The following RASA3 variants were observed in gnomAD, a reference collection of about 807,000 sequenced individuals.
RASA3 encodes the protein ras GTPase-activating protein 3.
A neutral mutation model predicts 110.0 loss-of-function variants in RASA3; 73 were observed. The observed-to-expected ratio is 0.66, with a 90% CI of 0.55 to 0.81. The LOEUF (loss-of-function observed/expected upper bound fraction) is 0.81. RASA3 is among the 30% of genes least tolerant of loss of function. The pLI is 0.00. For missense variants in RASA3, 976 were observed against 1,113.2 expected (o/e 0.88, Z 1.75); for synonymous variants, 500 against 451.4 (o/e 1.11, Z -1.37).
chr13:114,074,592 C>T (rs948563763), intron 1 of RASA3, among the ~76,000 whole-genome samples: 1 of 152,212 alleles, frequency 6.6e-6, no homozygotes. Flanking sequence ...AAGGAAAGAG[C>T]TCTTTCTTGT....
intron 3 of RASA3, among the ~76,000 whole-genome samples, chr13:114,043,024 T>A (rs2054447557): frequency 6.6e-6 from 1 of 152,216 alleles, no homozygotes; most frequent in Admixed American, 6.5e-5. Context: ...CAGGAGCTCC[T>A]CTGCCTCGCG....
chr13:114,002,436 T>G (rs2139176849), intron 18 of RASA3, among the ~76,000 whole-genome samples: 2 of 151,156 alleles, frequency 1.3e-5, no homozygotes, highest in African/African-American at 4.9e-5. Flanking sequence ...CCCAGGAGGC[T>G]GTTGAGGACC....
intron 20 of RASA3, among the ~76,000 whole-genome samples, chr13:113,998,564 CG>C (rs1401901457): frequency 3.3e-5 from 5 of 152,138 alleles, no homozygotes; most frequent in African/African-American, 1.2e-4. Context: ...GCACGGACGG[CG>C]GGGTCACTGG....
intron 1 of RASA3, among the ~76,000 whole-genome samples, chr13:114,090,780 G>A (rs925022682): frequency 2.6e-5 from 4 of 152,198 alleles, no homozygotes; most frequent in Non-Finnish European, 4.4e-5. Flanking sequence ...TCAGGTATGC[G>A]TAACAAAAAG....
intron 17 of RASA3, 65 bp from the exon 18 acceptor site, chr13:114,007,671 A>G (rs1287760289): frequency 7.4e-7 from 1 of 1,352,450 alleles, no homozygotes; most frequent in South Asian, 1.2e-5. Context: ...GGCTCTCTGT[A>G]TAACAACAGC....
chr13:114,080,634 C>G (rs145387099), intron 1 of RASA3, among the ~76,000 whole-genome samples: 49 of 74,470 alleles, frequency 6.6e-4, no homozygotes, highest in Non-Finnish European at 9.1e-4. Flanking sequence ...AAGGCGCCCA[C>G]TGTGCTTACT....
intron 20 of RASA3, among the ~76,000 whole-genome samples, chr13:113,998,976 A>G (rs902027953): frequency 2.6e-5 from 4 of 152,238 alleles, no homozygotes; most frequent in Admixed American, 6.5e-5. Flanking sequence ...GGTGGGAAAC[A>G]CACTTGGAAG....
chr13:114,103,308 C>T (rs1208747758), intron 1 of RASA3, among the ~76,000 whole-genome samples: 1 of 152,124 alleles, frequency 6.6e-6, no homozygotes, highest in Non-Finnish European at 1.5e-5. Flanking sequence ...GCTGCCCTGG[C>T]CCTTCGGGGT....
chr13:114,097,544 C>T (rs2079962362), intron 1 of RASA3, among the ~76,000 whole-genome samples: 1 of 152,254 alleles, frequency 6.6e-6, no homozygotes, highest in African/African-American at 2.4e-5. Context: ...GAAAACCCCA[C>T]CAGAAGTGTC....
rs557341535 is a variant in RASA3, at chr13:114,001,927, CGTG to C, written c.1743-998_1743-996del. Among the ~76,000 whole-genome samples the C allele has an allele frequency of 2.0e-5, 3 of 152,372 alleles. No homozygotes were observed. In the South Asian group the frequency reaches 6.2e-4, roughly 32 times the overall value. On this transcript the variant is annotated intron_variant, in intron 18 of 23. Transcript: ENST00000334062. ...GCCACTGGGCCACGTCCTCAGGAAA[CGTG>C]GGGAGCAGGAGACAGGATGGCCACC...
rs760588273 is a variant in RASA3, at chr13:114,009,379, A to T, written c.1668+8T>A. The T allele has an allele frequency of 5.0e-6, 8 of 1,608,612 alleles. No homozygotes were observed. The East Asian group carries it at 1.8e-4, about 36-fold the overall frequency. On this transcript the variant is annotated splice_region_variant and intron_variant, in intron 17 of 23. Transcript: ENST00000334062. Reference sequence around the variant, plus strand: ...ACACGGGCGGTCGGAGGGTGAGTCGATACTTACGTTCTTCACCGCATCAGC... The same window carrying T: ...ACACGGGCGGTCGGAGGGTGAGTCGTTACTTACGTTCTTCACCGCATCAGC...
At position 114,027,906 on chromosome 13, in the gene RASA3, G is replaced by A; in HGVS notation, c.471C>T (p.Leu157=). ...GGTCACATTGCCCATTCACGATGGGGAGGCCCTGGCACTCGACGATGCTGA... is the reference window on the plus strand; with the variant it reads ...GGTCACATTGCCCATTCACGATGGGAAGGCCCTGGCACTCGACGATGCTGA... ...LATRIVECQG[L]PIVNGQCDPY... is the part of the protein sequence containing the mutation. The change falls in exon 6 of 24, where the codon CTC becomes CTT. Residue 157 remains leucine, a synonymous_variant. Transcript: ENST00000334062. 1 of 1,613,860 alleles carries A rather than the reference G, an allele frequency of 6.2e-7. No homozygotes were observed. The highest frequency in any genetic ancestry group is 2.2e-5 in the East Asian group (1 of 44,876).
chr13:113,993,634 C>T (rs1169584230), intron 21 of RASA3, among the ~76,000 whole-genome samples: 1 of 150,678 alleles, frequency 6.6e-6, no homozygotes, highest in Non-Finnish European at 1.5e-5. Context: ...ATGGTGAGAC[C>T]CTGTCTCTAT....
rs1178648325 is a variant in RASA3 at position 114,017,366 on chromosome 13, T to C, written c.1092-15A>G. 5.0e-6 allele frequency: 8 copies of C among 1,603,378 alleles called. No individual in the cohort carries two copies. Among genetic ancestry groups the C allele is most frequent in the South Asian group, 2.2e-5 (2 of 90,818 alleles). On this transcript the variant is annotated splice_polypyrimidine_tract_variant and intron_variant, in intron 11 of 23. Transcript: ENST00000334062. ...TGTTGGGGTCCCTGGGAAATGGCGA[T>C]GGGGACAGCGTTTGTCTCCTGGGGA...
intron 1 of RASA3, among the ~76,000 whole-genome samples, chr13:114,079,308 G>A (rs77372621): frequency 0.06 from 9,127 of 152,242 alleles, 632 homozygotes; most frequent in African/African-American, 0.14. Flanking sequence ...AGGTGATGGC[G>A]ACAGCCCCGG....
chr13:114,040,917 T>C (rs1289397783), intron 4 of RASA3, 83 bp downstream of exon 4: 10 of 1,309,564 alleles, frequency 7.6e-6, no homozygotes, highest in Non-Finnish European at 1.1e-5. Context: ...TCTACGTCTT[T>C]AGCCACAGTC....
intron 1 of RASA3, among the ~76,000 whole-genome samples, chr13:114,103,491 G>A (rs1034619033): frequency 5.9e-5 from 9 of 151,964 alleles, no homozygotes; most frequent in East Asian, 1.9e-4. Context: ...ACCTGACACC[G>A]GAGCCCGAGT....
In RASA3 at chr13:114,024,317, A is replaced by G. The variant is rs1014015460; in HGVS notation, c.642T>C (p.Phe214=). Residue 214 remains phenylalanine (F), a synonymous_variant, in exon 8 of 24, where the codon TTT becomes TTC. Coordinates refer to ENST00000334062, the MANE Select transcript of RASA3 (RefSeq NM_007368.4). Reference sequence around the variant, plus strand: ...TGTCCACGTCTTCCTCCTCAAAGTCAAAGTGGGACTTCTTGCTGTAGCTAC... The same window carrying G: ...TGTCCACGTCTTCCTCCTCAAAGTCGAAGTGGGACTTCTTGCTGTAGCTAC... ...RPCSYSKKSH[F]DFEEEDVDKL... 2.5e-6 allele frequency: 4 copies of G among 1,613,870 alleles called. No homozygotes were observed. The highest frequency in any genetic ancestry group is 1.7e-5 in the Admixed American group (1 of 59,998).
chr13:114,110,996 A>AC (rs1423790597), intron 1 of RASA3, among the ~76,000 whole-genome samples: 1 of 152,258 alleles, frequency 6.6e-6, no homozygotes, highest in Non-Finnish European at 1.5e-5. Context: ...AAAGTAAAAA[A>AC]AAAAAAAACC....
Sources: allele counts gnomAD v4.1 joint callset (sites outside exome capture counted in the v4.1 genomes callset), GRCh38; gene constraint gnomAD v4.1.1; transcripts MANE v1.5; gene names NCBI Gene and HGNC (gene_info 2026-07-23, HGNC 2026-07-21).